URAD: variants seen among roughly 807,000 people sequenced by gnomAD.
The protein encoded by URAD is putative 2-oxo-4-hydroxy-4-carboxy-5-ureidoimidazoline decarboxylase.
URAD carries 4 observed loss-of-function variants against 4.6 expected under a neutral mutation model. The observed-to-expected ratio is 0.87, with a 90% CI of 0.43 to 1.98. The LOEUF (loss-of-function observed/expected upper bound fraction) is 1.98. URAD is among the 30% of genes most tolerant of loss of function. URAD has a pLI of 0.03. For synonymous variants in URAD, 144 were observed against 118.2 expected (o/e 1.22, Z -1.41); for missense variants, 300 against 255.3 (o/e 1.18, Z -1.19).
rs74041513 is a variant in URAD at position 27,986,433 on chromosome 13, G to A, written c.175+2030C>T. 3.2e-3 allele frequency among the ~76,000 whole-genome samples: 487 copies of A among 152,240 alleles called. 1 individual carries two copies. Among genetic ancestry groups the A allele is most frequent in the African/African-American group, 0.011 (471 of 41,524 alleles). On this transcript the variant is annotated intron_variant, in intron 1 of 1. Transcript: ENST00000332715. ...GCTGCCCACACTCCACTATGCTCAG[G>A]GCCCTGACTGGACTGACCCGGAACT...
chr13:27,979,263 G>A (rs1373603461), intron 1 of URAD, among the ~76,000 whole-genome samples: 1 of 152,150 alleles, frequency 6.6e-6, no homozygotes, highest in African/African-American at 2.4e-5. Flanking sequence ...AGAGAACAGC[G>A]TTTACTTGAA....
chr13:27,982,747 C>A (rs61944045), intron 1 of URAD, among the ~76,000 whole-genome samples: 45,711 of 150,696 alleles, frequency 0.3, 8,253 homozygotes, highest in South Asian at 0.64. Context: ...CCTGTCTTCT[C>A]AACTCTAAGT....
At chr13:27,980,063 G>GT (rs1452756884) in intron 1 of URAD, among the ~76,000 whole-genome samples, 2 of 152,140 alleles carry the variant, frequency 1.3e-5, no homozygotes, top group Non-Finnish European at 2.9e-5. Flanking sequence ...TAACACCACT[G>GT]TTTTTTGTTT....
Position 27,977,877 on chromosome 13 carries a change from C to A in URAD, c.*229G>T. On this transcript the variant is annotated 3_prime_UTR_variant, in exon 2 of 2. Coordinates refer to ENST00000332715, the MANE Select transcript of URAD (RefSeq NM_001105577.2). Reference sequence around the variant, plus strand: ...AATTGAAGCAGTGAGCTGGATAAATCCGGGGCAAAGCACTAAACAATATGG... The same window carrying A: ...AATTGAAGCAGTGAGCTGGATAAATACGGGGCAAAGCACTAAACAATATGG... 3 of 466,672 alleles carry A rather than the reference C, an allele frequency of 6.4e-6. No homozygotes were observed. Among genetic ancestry groups the A allele is most frequent in the Non-Finnish European group, 1.1e-5 (3 of 267,160 alleles). The allele number at this position is 466,672 out of a possible 1,614,324, so 28.9% of individuals were successfully genotyped here. A position where few individuals can be genotyped will look rare whatever the true frequency, so the allele number is the denominator to read the frequency against.
At chr13:27,978,509 C>T in intron 1 of URAD, 57 bp from the exon 2 acceptor site, 4 of 1,232,634 alleles carry the variant, frequency 3.2e-6, no homozygotes, top group Admixed American at 8.5e-5. Context: ...TCCCGCACCG[C>T]GCACTCGAGG....
In URAD at chr13:27,985,238, A is replaced by C. The variant is rs568494027; in HGVS notation, c.175+3225T>G. Among the ~76,000 whole-genome samples, 24 of 152,276 alleles carry C rather than the reference A, an allele frequency of 1.6e-4. No homozygotes were observed. In the South Asian group the frequency reaches 5.0e-3, roughly 32 times the overall value. On this transcript the variant is annotated intron_variant, in intron 1 of 1. Transcript: ENST00000332715. Reference sequence around the variant, plus strand: ...TTTGGGAGGCCAAGGTGGGCGGATCACTTGAGGTCAGGAATTTGAGACAAG... The same window carrying C: ...TTTGGGAGGCCAAGGTGGGCGGATCCCTTGAGGTCAGGAATTTGAGACAAG...
intron 1 of URAD, among the ~76,000 whole-genome samples, chr13:27,979,404 T>C (rs1226017484): frequency 6.6e-6 from 1 of 152,204 alleles, no homozygotes; most frequent in Non-Finnish European, 1.5e-5. Context: ...AAGTGAAAAT[T>C]AGAACCCTCG....
chr13:27,979,058 G>T (rs1455564845), intron 1 of URAD, among the ~76,000 whole-genome samples: 3 of 152,148 alleles, frequency 2.0e-5, no homozygotes, highest in Non-Finnish European at 4.4e-5. Context: ...GACCCTAAGT[G>T]TGAGTTCTGG....
In URAD at chr13:27,988,569, C is replaced by A. The variant is rs746915022; in HGVS notation, c.69G>T (p.Glu23Asp). 6.2e-7 allele frequency: 1 copy of A among 1,613,948 alleles called. No homozygotes were observed. Among genetic ancestry groups the A allele is most frequent in the Non-Finnish European group, 8.5e-7 (1 of 1,179,860 alleles). ...CAGCAGCTGCAATCAGAGGACATCT[C>A]TCAGTGGCATTCCCAAACACATCCA... ...EFVDVFGNAT[E>D]RCPLIAAAVW... The change falls in exon 1 of 2, where the codon GAG (glutamate) becomes GAT (aspartate). Residue 23 changes from glutamate to aspartate, a missense_variant. Glu to Asp is a conservative substitution (Grantham distance 45). Transcript: ENST00000332715.
chr13:27,986,061 A>G (rs910291134), intron 1 of URAD, among the ~76,000 whole-genome samples: 1 of 152,106 alleles, frequency 6.6e-6, no homozygotes, highest in African/African-American at 2.4e-5. Context: ...ACAAGTGCAG[A>G]ACCGAGAAGC....
chr13:27,987,569 A>G (rs567297886), intron 1 of URAD, among the ~76,000 whole-genome samples: 1 of 152,270 alleles, frequency 6.6e-6, no homozygotes, highest in East Asian at 1.9e-4. Flanking sequence ...CTCTGGAGAT[A>G]GTCTGGTATC....
In URAD at chr13:27,988,666, C is replaced by T. The variant is rs953643605; in HGVS notation, c.-29G>A. On this transcript the variant is annotated 5_prime_UTR_variant, in exon 1 of 2. Transcript: ENST00000332715. ...TTGTATTCCACTGGAGACAGCGGGA[C>T]GTCCAGCTCCCCTCTCGGTGAGTGA... 17 of 1,548,604 alleles carry T rather than the reference C, an allele frequency of 1.1e-5. No individual in the cohort carries two copies. Among genetic ancestry groups the T allele is most frequent in the Middle Eastern group, 3.9e-4 (2 of 5,136 alleles).
intron 1 of URAD, 82 bp downstream of exon 1, chr13:27,988,381 C>T: frequency 7.2e-7 from 1 of 1,392,178 alleles, no homozygotes; most frequent in East Asian, 2.4e-5. Context: ...TGTGAGCCAC[C>T]ATTCCTGGCC....
chr13:27,984,753 C>T (rs1382807891), intron 1 of URAD, among the ~76,000 whole-genome samples: 7 of 152,120 alleles, frequency 4.6e-5, no homozygotes, highest in Non-Finnish European at 8.8e-5. Flanking sequence ...CCGAGGTGGG[C>T]GGATCACAAG....
At chr13:27,979,892 C>T (rs1278779492) in intron 1 of URAD, among the ~76,000 whole-genome samples, 2 of 152,162 alleles carry the variant, frequency 1.3e-5, no homozygotes, top group Non-Finnish European at 2.9e-5. Context: ...AGAGAGGATT[C>T]AGTGAAGGCT....
chr13:27,980,427 G>A (rs1265955725), intron 1 of URAD, among the ~76,000 whole-genome samples: 2 of 152,154 alleles, frequency 1.3e-5, no homozygotes, highest in South Asian at 2.1e-4. Flanking sequence ...TCAGGCCTGG[G>A]GAACCGAGCT....
chr13:27,982,898 C>A (rs1869916224), intron 1 of URAD, among the ~76,000 whole-genome samples: 1 of 152,148 alleles, frequency 6.6e-6, no homozygotes, highest in African/African-American at 2.4e-5. Context: ...TAACTGTAAG[C>A]CCTATTCTGA....
At chr13:27,987,314 T>A (rs1870058835) in intron 1 of URAD, among the ~76,000 whole-genome samples, 1 of 152,174 alleles carries the variant, frequency 6.6e-6, no homozygotes, top group South Asian at 2.1e-4. Flanking sequence ...TGAAGCTGTG[T>A]GTGTCATTCG....
chr13:27,987,950 T>A (rs1870084095), intron 1 of URAD, among the ~76,000 whole-genome samples: 1 of 150,010 alleles, frequency 6.7e-6, no homozygotes, highest in Non-Finnish European at 1.5e-5. Context: ...AAAAACAACT[T>A]TTTTTGTTGT....
Sources: gnomAD v4.1 joint callset for allele counts (sites outside exome capture counted in the v4.1 genomes callset) on GRCh38, gnomAD v4.1.1 for gene constraint, MANE v1.5 for transcripts, NCBI Gene and HGNC (gene_info 2026-07-23, HGNC 2026-07-21) for gene names.